The following USP28 variants were observed in gnomAD, a reference collection of about 807,000 sequenced individuals.
The protein encoded by USP28 is ubiquitin carboxyl-terminal hydrolase 28.
In USP28, 113 loss-of-function variants were observed where a neutral mutation model predicts 145.0. The ratio of observed to expected loss-of-function variants is 0.78; its 90% CI spans 0.67 to 0.91. The LOEUF is 0.91. Among genes scored for constraint, USP28 ranks in the 40% least tolerant of loss-of-function variants. The pLI, the probability that USP28 is intolerant of heterozygous loss-of-function variation, is 0.00. For missense variants in USP28, 1,201 were observed against 1,289.6 expected (o/e 0.93, Z 1.05); for synonymous variants, 447 against 450.9 (o/e 0.99, Z 0.11).
At chr11:113,834,324 T>C (rs767412939) in exon 6 of USP28, 4 of 1,608,766 alleles carry the variant, frequency 2.5e-6, no homozygotes, top group Admixed American at 1.7e-5. Context: ...ATTCAGGCAA[T>C]TGAAAGAGAG....
chr11:113,833,666 A>T, intron 6 of USP28, 109 bp from the exon 7 acceptor site: 1 of 1,106,880 alleles, frequency 9.0e-7, no homozygotes, highest in Non-Finnish European at 1.3e-6. Context: ...ATTTACCTAG[A>T]TCTAGGTCAA....
At chr11:113,832,732 G>T (rs569460664) in intron 7 of USP28, among the ~76,000 whole-genome samples, 1 of 152,170 alleles carries the variant, frequency 6.6e-6, no homozygotes, top group East Asian at 1.9e-4. Context: ...AATCATATGA[G>T]GAAGAAGATG....
chr11:113,866,542 C>T (rs1033618477), intron 1 of USP28, among the ~76,000 whole-genome samples: 2 of 152,170 alleles, frequency 1.3e-5, no homozygotes, highest in Non-Finnish European at 2.9e-5. Flanking sequence ...TTTATGAAGA[C>T]ACTTAACATT....
At chr11:113,840,191 A>C (rs1210291096) in intron 5 of USP28, among the ~76,000 whole-genome samples, 2 of 152,124 alleles carry the variant, frequency 1.3e-5, no homozygotes, top group African/African-American at 4.8e-5. Context: ...ACTGCCCACC[A>C]ATCCTGTAGA....
chr11:113,808,312 C>T, exon 18 of USP28: 1 of 1,613,286 alleles, frequency 6.2e-7, no homozygotes, highest in Non-Finnish European at 8.5e-7. Context: ...CTCAGTGCCG[C>T]TTCTACACCG....
chr11:113,872,197 T>C (rs926808095), intron 1 of USP28, among the ~76,000 whole-genome samples: 6 of 152,222 alleles, frequency 3.9e-5, no homozygotes, highest in Admixed American at 6.5e-5. Context: ...CATGGAGAGA[T>C]CTCGCCTGGT....
chr11:113,842,994 G>C (rs1397340873), intron 3 of USP28, among the ~76,000 whole-genome samples: 3 of 152,154 alleles, frequency 2.0e-5, no homozygotes, highest in African/African-American at 7.2e-5. Flanking sequence ...ACTTTGGGAG[G>C]TCAAGATGGG....
At chr11:113,801,342 G>C (rs1303681217) in intron 24 of USP28, 141 bp downstream of exon 25, 6 of 596,692 alleles carry the variant, frequency 1.0e-5, no homozygotes, top group South Asian at 4.2e-5. Context: ...TGTTTCAATA[G>C]AGCAGATCCA....
intron 12 of USP28, 198 bp from the exon 13 acceptor site, chr11:113,818,035 A>C (rs1469079575): frequency 6.4e-6 from 3 of 471,452 alleles, no homozygotes; most frequent in Non-Finnish European, 1.1e-5. Context: ...CAACAATCTG[A>C]AGTTTTATAT....
Position 113,843,794 on chromosome 11 carries a change from A to C in USP28, c.269-2026T>G, listed in dbSNP as rs538196871. Among the ~76,000 whole-genome samples the C allele has an allele frequency of 1.1e-4, 17 of 152,344 alleles. No individual in the cohort carries two copies. The South Asian group carries it at 3.3e-3, about 30-fold the overall frequency. On this transcript the variant is annotated intron_variant, in intron 3 of 24. Coordinates refer to ENST00000003302, the Ensembl canonical transcript of USP28. ...AAGGAGACATATACATCAATGGAAT[A>C]GAATTTATAGTCCAGAAATAAACTC...
intron 15 of USP28, among the ~76,000 whole-genome samples, chr11:113,813,002 T>A (rs1226648842): frequency 6.6e-6 from 1 of 152,214 alleles, no homozygotes; most frequent in Admixed American, 6.5e-5. Context: ...GAAGACCCTT[T>A]TAATGACATA....
chr11:113,842,480 G>A (rs1036250648), intron 3 of USP28, among the ~76,000 whole-genome samples: 1 of 151,852 alleles, frequency 6.6e-6, no homozygotes, highest in Non-Finnish European at 1.5e-5. Context: ...AGCTACTCAG[G>A]AGGTTGAGGT....
chr11:113,867,240 T>C (rs1007408659), intron 1 of USP28, among the ~76,000 whole-genome samples: 3 of 152,148 alleles, frequency 2.0e-5, no homozygotes, highest in African/African-American at 7.2e-5. Flanking sequence ...ATTGTGAATA[T>C]ATTAAATGTC....
At chr11:113,844,499 A>C (rs779257326) in intron 3 of USP28, among the ~76,000 whole-genome samples, 55 of 131,606 alleles carry the variant, frequency 4.2e-4, no homozygotes, top group Non-Finnish European at 6.7e-4. Context: ...AATATTTGCA[A>C]AACATGCATC....
exon 17 of USP28, chr11:113,809,137 T>C (rs947113996): frequency 6.2e-7 from 1 of 1,614,226 alleles, no homozygotes; most frequent in African/African-American, 1.3e-5. Context: ...AGACTGCTCT[T>C]CTTCCCACTC....
At chr11:113,830,873 G>T in exon 9 of USP28, 1 of 1,613,700 alleles carries the variant, frequency 6.2e-7, no homozygotes, top group Non-Finnish European at 8.5e-7. Context: ...TTACCTTCAC[G>T]AACCCCTTCA....
intron 5 of USP28, among the ~76,000 whole-genome samples, chr11:113,838,392 C>T (rs184872336): frequency 1.4e-3 from 212 of 152,320 alleles, no homozygotes; most frequent in Non-Finnish European, 2.6e-3. Flanking sequence ...CCTTCCAATA[C>T]ATTCCTATTT....
Position 113,801,621 on chromosome 11 carries a change from C to A in USP28, c.2920G>T (p.Glu974Ter). The A allele has an allele frequency of 6.2e-7, 1 of 1,608,076 alleles. No homozygotes were observed. The highest frequency in any genetic ancestry group is 8.5e-7 in the Non-Finnish European group (1 of 1,175,536). The change falls in exon 24 of 25, where the codon GAG (glutamate) becomes TAG (stop). Residue 974 changes from glutamate to a stop codon, truncating the protein, a stop_gained. Coordinates refer to ENST00000003302, the Ensembl canonical transcript of USP28. LOFTEE classifies it high-confidence loss of function. ...AGTTCATTCATCACATTAATGCCCTCAGTTACGGAGTGATCATCATTTGTT... is the reference window on the plus strand; with the variant it reads ...AGTTCATTCATCACATTAATGCCCTAAGTTACGGAGTGATCATCATTTGTT...
At chr11:113,816,973 C>A (rs969402302) in intron 13 of USP28, among the ~76,000 whole-genome samples, 1 of 151,944 alleles carries the variant, frequency 6.6e-6, no homozygotes, top group Non-Finnish European at 1.5e-5. Context: ...ATACGTGGGG[C>A]GGTGGCGGGG....
Sources: gnomAD v4.1 joint callset for allele counts (sites outside exome capture counted in the v4.1 genomes callset) on GRCh38, gnomAD v4.1.1 for gene constraint, MANE v1.5 for transcripts, NCBI Gene and HGNC (gene_info 2026-07-23, HGNC 2026-07-21) for gene names.